Variants in IL18RAP observed in about 807,000 individuals in gnomAD.
The protein encoded by IL18RAP is interleukin-18 receptor accessory protein.
A neutral mutation model predicts 58.1 loss-of-function variants in IL18RAP; 37 were observed. The observed-to-expected ratio is 0.64, with a 90% CI of 0.49 to 0.84. The LOEUF is 0.84. IL18RAP is among the 40% of genes least tolerant of loss of function. IL18RAP has a pLI of 0.00. For synonymous variants in IL18RAP, 268 were observed against 257.5 expected (o/e 1.04, Z -0.39); for missense variants, 667 against 704.8 (o/e 0.95, Z 0.61).
chr2:102,427,770 G>A (rs1203629846), intron 3 of IL18RAP, among the ~76,000 whole-genome samples: 1 of 151,820 alleles, frequency 6.6e-6, no homozygotes, highest in Admixed American at 6.6e-5. Context: ...AAGAATATTT[G>A]CCCATAACAG....
In IL18RAP at chr2:102,452,268, G is replaced by C. The variant is rs1683822278; in HGVS notation, c.*87G>C. 3 of 1,286,898 alleles carry C rather than the reference G, an allele frequency of 2.3e-6. No individual in the cohort carries two copies. The highest frequency in any genetic ancestry group is 2.9e-5 in the South Asian group (2 of 67,874). The allele number at this position is 1,286,898 out of a possible 1,614,324, so 79.7% of individuals were successfully genotyped here. A position where few individuals can be genotyped will look rare whatever the true frequency, so the allele number is the denominator to read the frequency against. ...CACAGCTCTGTGTGTGTGTGTTCAG[G>C]CTGATAGGAAATTCAAAGAGTCTCC... On this transcript the variant is annotated 3_prime_UTR_variant, in exon 10 of 10. Coordinates refer to ENST00000687160, the MANE Select transcript of IL18RAP (RefSeq NM_001393487.1).
At chr2:102,440,586 T>C in intron 4 of IL18RAP, 1 of 152,052 alleles carries the variant, frequency 6.6e-6, no homozygotes, top group Non-Finnish European at 1.5e-5. Flanking sequence ...ATGATGAGAC[T>C]GAGCATGAAT....
intron 2 of IL18RAP, 48 bp downstream of exon 2, chr2:102,424,183 T>C (rs775249260): frequency 6.2e-7 from 1 of 1,608,654 alleles, no homozygotes; most frequent in Admixed American, 1.7e-5. Flanking sequence ...AAATCCTCTA[T>C]TATCTAGACA....
At chr2:102,428,945 C>T (rs879704525) in intron 3 of IL18RAP, among the ~76,000 whole-genome samples, 4 of 151,952 alleles carry the variant, frequency 2.6e-5, no homozygotes, top group South Asian at 4.2e-4. Flanking sequence ...ATTTCTGCAT[C>T]GATTGAGATC....
chr2:102,436,302 T>C (rs1349466356), intron 3 of IL18RAP, among the ~76,000 whole-genome samples: 1 of 152,218 alleles, frequency 6.6e-6, no homozygotes, highest in Admixed American at 6.5e-5. Flanking sequence ...TTATATGTTA[T>C]CACTGCGTCC....
intron 3 of IL18RAP, among the ~76,000 whole-genome samples, chr2:102,429,708 G>A (rs1274817677): frequency 1.3e-5 from 2 of 151,908 alleles, no homozygotes; most frequent in African/African-American, 4.8e-5. Context: ...GACATTCATT[G>A]CTATAAATTT....
chr2:102,446,572 G>A (rs1437948725), intron 7 of IL18RAP, among the ~76,000 whole-genome samples: 1 of 151,972 alleles, frequency 6.6e-6, no homozygotes, highest in Non-Finnish European at 1.5e-5. Flanking sequence ...TCATTCCTGA[G>A]TTACTTCACT....
At chr2:102,451,528 C>A (rs1370264355) in intron 9 of IL18RAP, among the ~76,000 whole-genome samples, 6 of 152,222 alleles carry the variant, frequency 3.9e-5, no homozygotes, top group Non-Finnish European at 7.3e-5. Flanking sequence ...TAGTTCCAGT[C>A]AGCTTTATTC....
chr2:102,424,954 A>C (rs1202531071), intron 3 of IL18RAP, among the ~76,000 whole-genome samples: 1 of 152,140 alleles, frequency 6.6e-6, no homozygotes, highest in Non-Finnish European at 1.5e-5. Context: ...AACAAGAGCA[A>C]GTTTCACAAT....
At chr2:102,438,638 C>T (rs1021065220) in intron 4 of IL18RAP, 6 of 152,226 alleles carry the variant, frequency 3.9e-5, no homozygotes, top group South Asian at 2.1e-4. Context: ...CCAAGGGACA[C>T]CTTGCAACAT....
Position 102,452,315 on chromosome 2 carries a change from A to C in IL18RAP, c.*134A>C. 1 of 830,450 alleles carries C rather than the reference A, an allele frequency of 1.2e-6. No homozygotes were observed. Among genetic ancestry groups the C allele is most frequent in the Non-Finnish European group, 1.9e-6 (1 of 539,032 alleles). 51.4% of individuals were successfully genotyped at this position (830,450 alleles called of 1,614,324 possible). A position where few individuals can be genotyped will look rare whatever the true frequency, so the allele number is the denominator to read the frequency against. The stretch of plus-strand genomic sequence containing the variant: ...CTCCTGCCAGCACCAAGCAAGCTTG[A>C]TGGACAATGGAGTGGGATTGAGACT... On this transcript the variant is annotated 3_prime_UTR_variant, in exon 10 of 10. Transcript: ENST00000687160.
intron 3 of IL18RAP, among the ~76,000 whole-genome samples, chr2:102,427,577 G>T (rs556494469): frequency 6.6e-6 from 1 of 151,948 alleles, no homozygotes; most frequent in African/African-American, 2.4e-5. Context: ...TTGTTTTCTT[G>T]CTAATGCAGT....
intron 3 of IL18RAP, among the ~76,000 whole-genome samples, chr2:102,430,433 T>A (rs191022148): frequency 6.6e-6 from 1 of 152,180 alleles, no homozygotes; most frequent in Non-Finnish European, 1.5e-5. Context: ...TTTTCCCTTC[T>A]AGTCTATATG....
rs148917849 is a variant in IL18RAP at position 102,443,317 on chromosome 2, C to A, written c.914C>A (p.Ala305Glu). Residue 305 changes from alanine to glutamate, a missense_variant, in exon 6 of 10, where the codon GCG becomes GAG. Transcript: ENST00000687160. ...GAGTGGGAAGTCTCAGTACCTGAGG[C>A]GAAAAGGTAAGAAAAAAACTCACGG... Reference protein sequence around the residue: ...DLEWEVSVPEAKSIKSTLKDE... With the variant: ...DLEWEVSVPEEKSIKSTLKDE... 1.9e-6 allele frequency: 3 copies of A among 1,611,060 alleles called. No homozygotes were observed. Among genetic ancestry groups the A allele is most frequent in the Non-Finnish European group, 1.7e-6 (2 of 1,179,350 alleles).
At chr2:102,427,233 T>C (rs1682007377) in intron 3 of IL18RAP, among the ~76,000 whole-genome samples, 1 of 152,166 alleles carries the variant, frequency 6.6e-6, no homozygotes, top group Non-Finnish European at 1.5e-5. Context: ...GTTAACCCTT[T>C]GCCATACTGA....
chr2:102,440,119 T>C (rs969398212), intron 4 of IL18RAP: 2 of 152,236 alleles, frequency 1.3e-5, no homozygotes, highest in African/African-American at 4.8e-5. Flanking sequence ...CCAAGACCTT[T>C]CATAGGGAAG....
upstream of IL18RAP, among the ~76,000 whole-genome samples, chr2:102,421,119 G>C (rs1573254641): frequency 1.3e-5 from 2 of 152,318 alleles, no homozygotes; most frequent in South Asian, 2.1e-4. Context: ...CTGCAGAGAG[G>C]CTGCAGGACT....
rs539728432 is a variant in IL18RAP, at chr2:102,451,413, C to T, written c.1385-353C>T. On this transcript the variant is annotated intron_variant, in intron 9 of 9. Coordinates refer to ENST00000687160, the MANE Select transcript of IL18RAP (RefSeq NM_001393487.1). ...TCAGGCCTGGGCCACGCCCTGGACA[C>T]CCTGAGAAGTCCAGATCTCAGCCTG... 5.3e-5 allele frequency among the ~76,000 whole-genome samples: 8 copies of T among 152,356 alleles called. No individual in the cohort carries two copies. The East Asian group carries it at 7.7e-4, about 15-fold the overall frequency.
At position 102,437,275 on chromosome 2, in the gene IL18RAP, C is replaced by A. The variant is rs536024874; in HGVS notation, c.643C>A (p.His215Asn). 1.1e-5 allele frequency: 17 copies of A among 1,613,628 alleles called. No individual in the cohort carries two copies. The South Asian group carries it at 1.8e-4, about 17-fold the overall frequency. ...CGTAGTGGATGAAGTTTATGACTAT[C>A]ACCAGGGCACATATGTATGTGATTA... Reference protein sequence around the residue: ...RIVVDEVYDYHQGTYVCDYTQ... With the variant: ...RIVVDEVYDYNQGTYVCDYTQ... The change falls in exon 4 of 10, where the codon CAC becomes AAC. Residue 215 changes from histidine (H) to asparagine (N), a missense_variant. Physicochemically the swap from His to Asn is moderately conservative, Grantham distance 68 (BLOSUM62 1). Transcript: ENST00000687160.
Sources: allele counts gnomAD v4.1 joint callset (sites outside exome capture counted in the v4.1 genomes callset), GRCh38; gene constraint gnomAD v4.1.1; transcripts MANE v1.5; gene names NCBI Gene and HGNC (gene_info 2026-07-23, HGNC 2026-07-21).